GRIA1: variants seen among roughly 807,000 people sequenced by gnomAD.
GRIA1 encodes glutamate receptor 1.
A neutral mutation model predicts 99.2 loss-of-function variants in GRIA1; 31 were observed. The ratio of observed to expected loss-of-function variants is 0.31; its 90% CI spans 0.23 to 0.42. The LOEUF (loss-of-function observed/expected upper bound fraction) is 0.42. GRIA1 is among the 10% of genes least tolerant of loss of function. GRIA1 has a pLI of 1.00. For missense variants in GRIA1, 782 were observed against 1,157.5 expected (o/e 0.68, Z 4.71); for synonymous variants, 438 against 432.4 (o/e 1.01, Z -0.16).
chr5:153,500,493 G>A (rs904871087), intron 2 of GRIA1, among the ~76,000 whole-genome samples: 1 of 151,794 alleles, frequency 6.6e-6, no homozygotes, highest in East Asian at 1.9e-4. Context: ...AAAATAAAAT[G>A]CATTAGGCAT....
intron 2 of GRIA1, among the ~76,000 whole-genome samples, chr5:153,641,196 C>T (rs1753756223): frequency 6.6e-6 from 1 of 152,094 alleles, no homozygotes; most frequent in Non-Finnish European, 1.5e-5. Context: ...TGTCCTGTCA[C>T]CTCATTATCT....
intron 7 of GRIA1, among the ~76,000 whole-genome samples, chr5:153,678,885 C>G (rs1304144260): frequency 2.0e-5 from 3 of 152,218 alleles, no homozygotes; most frequent in African/African-American, 7.2e-5. Flanking sequence ...CTTAGCTCTC[C>G]TGCTGCCTTC....
chr5:153,729,575 A>T (rs1760859810), intron 11 of GRIA1, among the ~76,000 whole-genome samples: 1 of 151,938 alleles, frequency 6.6e-6, no homozygotes, highest in African/African-American at 2.4e-5. Context: ...GAAAGAGCAA[A>T]CTCATCCATA....
At chr5:153,664,429 A>G (rs187620690) in intron 5 of GRIA1, among the ~76,000 whole-genome samples, 1 of 151,576 alleles carries the variant, frequency 6.6e-6, no homozygotes, top group East Asian at 1.9e-4. Context: ...GAGGGCAGTA[A>G]CCCTCTGTGG....
chr5:153,596,901 T>C (rs1764482404), intron 2 of GRIA1, among the ~76,000 whole-genome samples: 1 of 152,186 alleles, frequency 6.6e-6, no homozygotes, highest in Admixed American at 6.5e-5. Flanking sequence ...GGCAAGCCGG[T>C]GCTAGTGCCA....
At chr5:153,749,182 T>C (rs763753220) in intron 11 of GRIA1, among the ~76,000 whole-genome samples, 2 of 152,284 alleles carry the variant, frequency 1.3e-5, no homozygotes, top group Admixed American at 1.3e-4. Flanking sequence ...GAAGAAATCA[T>C]TGTCATCATC....
chr5:153,690,191 G>A (rs182046010), intron 8 of GRIA1, among the ~76,000 whole-genome samples: 9 of 152,012 alleles, frequency 5.9e-5, no homozygotes, highest in East Asian at 1.9e-4. Context: ...TGGTTGGTGC[G>A]TAAAGAGTTT....
At chr5:153,684,213 G>C (rs1157499187) in intron 7 of GRIA1, among the ~76,000 whole-genome samples, 3 of 152,068 alleles carry the variant, frequency 2.0e-5, no homozygotes, top group African/African-American at 7.3e-5. Flanking sequence ...TGTGACTAGA[G>C]ATGAAATAAT....
chr5:153,780,052 C>A (rs1053673266), intron 13 of GRIA1, among the ~76,000 whole-genome samples: 1 of 152,234 alleles, frequency 6.6e-6, no homozygotes, highest in African/African-American at 2.4e-5. Context: ...CACTGAAGCA[C>A]TGCTCCTCCT....
intron 14 of GRIA1, 65 bp from the exon 15 acceptor site, chr5:153,802,291 G>C: frequency 6.9e-7 from 1 of 1,457,274 alleles, no homozygotes. Flanking sequence ...TGCTTGGATG[G>C]TCTTTAGCCT....
At chr5:153,670,313 A>G (rs1454723763) in intron 5 of GRIA1, among the ~76,000 whole-genome samples, 2 of 152,146 alleles carry the variant, frequency 1.3e-5, no homozygotes, top group East Asian at 3.9e-4. Flanking sequence ...CAGTCACTCA[A>G]AGAGAAGCAT....
intron 4 of GRIA1, among the ~76,000 whole-genome samples, chr5:153,650,764 TAA>T (rs5872330): frequency 0.24 from 35,522 of 147,756 alleles, 5,431 homozygotes; most frequent in Non-Finnish European, 0.34. Flanking sequence ...CTCTATTGTT[TAA>T]AAAAAAAAAA....
At chr5:153,614,033 CT>C (rs1264544932) in intron 2 of GRIA1, among the ~76,000 whole-genome samples, 1 of 152,212 alleles carries the variant, frequency 6.6e-6, no homozygotes, top group Non-Finnish European at 1.5e-5. Flanking sequence ...ACACCTGCTT[CT>C]CTCGCTGCTC....
Position 153,605,114 on chromosome 5 carries a change from G to A in GRIA1, c.221-41814G>A, listed in dbSNP as rs566102740. 4.0e-5 allele frequency among the ~76,000 whole-genome samples: 6 copies of A among 151,854 alleles called. No homozygotes were observed. The East Asian group carries it at 1.2e-3, about 30-fold the overall frequency. ...AGACAGGAGAATCGCTTGAGCCCAG[G>A]ATGTGGAGGTTGCAGTGAGCCAAGA... On this transcript the variant is annotated intron_variant, in intron 2 of 15. Transcript: ENST00000285900.
Position 153,698,957 on chromosome 5 carries a change from A to G in GRIA1, c.1336A>G (p.Ile446Val). The G allele has an allele frequency of 6.2e-7, 1 of 1,612,348 alleles. No homozygotes were observed. Residue 446 changes from isoleucine to valine, a missense_variant, in exon 10 of 16, where the codon ATT becomes GTT. Physicochemically the swap from Ile to Val is conservative, Grantham distance 29. Transcript: ENST00000285900. The stretch of plus-strand genomic sequence containing the variant: ...CTACTGTGTAGAGCTGGCGGCAGAG[A>G]TTGCCAAGCACGTGGGCTACTCCTA... ...EGYCVELAAE[I>V]AKHVGYSYRL...
intron 2 of GRIA1, among the ~76,000 whole-genome samples, chr5:153,569,446 T>C (rs890511193): frequency 6.6e-6 from 1 of 152,232 alleles, no homozygotes; most frequent in African/African-American, 2.4e-5. Flanking sequence ...CAAGAACCAC[T>C]GTATTCTGTG....
At chr5:153,560,456 G>A (rs1353368138) in intron 2 of GRIA1, among the ~76,000 whole-genome samples, 3 of 152,150 alleles carry the variant, frequency 2.0e-5, no homozygotes, top group East Asian at 1.9e-4. Context: ...TAACCCCCAC[G>A]TGTCAAGGGA....
chr5:153,541,467 C>T (rs1759086107), intron 2 of GRIA1, among the ~76,000 whole-genome samples: 1 of 152,158 alleles, frequency 6.6e-6, no homozygotes, highest in African/African-American at 2.4e-5. Flanking sequence ...TTATTAGCCT[C>T]ATTTTAGAGG....
intron 2 of GRIA1, among the ~76,000 whole-genome samples, chr5:153,532,839 T>G (rs2113443089): frequency 6.6e-6 from 1 of 152,208 alleles, no homozygotes. Context: ...GCCCCTTTAC[T>G]TCATCTAGCT....
Sources: allele counts gnomAD v4.1 joint callset (sites outside exome capture counted in the v4.1 genomes callset), GRCh38; gene constraint gnomAD v4.1.1; transcripts MANE v1.5; gene names NCBI Gene and HGNC (gene_info 2026-07-23, HGNC 2026-07-21).